Variants in CSMD3 observed in about 807,000 individuals in gnomAD.
CSMD3 encodes the protein CUB and sushi domain-containing protein 3.
Under a neutral mutation model 435.2 loss-of-function variants are expected in CSMD3, and 177 were observed. That is an observed-to-expected ratio of 0.41 (90% confidence interval 0.36 to 0.46). CSMD3 has a LOEUF of 0.46. CSMD3 is among the 20% of genes least tolerant of loss of function. CSMD3 has a pLI of 0.34. For missense variants in CSMD3, 4,265 were observed against 4,504.6 expected (o/e 0.95, Z 1.52); for synonymous variants, 1,656 against 1,520.5 (o/e 1.09, Z -2.07).
chr8:113,295,316 G>GT (rs200405194), intron 2 of CSMD3, among the ~76,000 whole-genome samples: 1 of 151,686 alleles, frequency 6.6e-6, no homozygotes, highest in South Asian at 2.1e-4. Flanking sequence ...TTCAAAAGAG[G>GT]TTTTTTTTCT....
At chr8:112,840,403 G>T (rs1381813363) in intron 11 of CSMD3, among the ~76,000 whole-genome samples, 2 of 151,578 alleles carry the variant, frequency 1.3e-5, no homozygotes, top group African/African-American at 4.8e-5. Flanking sequence ...GTATTATTGT[G>T]GTTACCAGAA....
chr8:112,727,429 C>A (rs955669633), intron 13 of CSMD3, among the ~76,000 whole-genome samples: 16 of 151,720 alleles, frequency 1.1e-4, no homozygotes, highest in Admixed American at 9.9e-4. Context: ...AGTGTGTGAA[C>A]AAGATATTTT....
At chr8:113,432,732 G>C (rs1254212843) in intron 1 of CSMD3, among the ~76,000 whole-genome samples, 1 of 152,162 alleles carries the variant, frequency 6.6e-6, no homozygotes, top group Non-Finnish European at 1.5e-5. Flanking sequence ...ACAGCGCTGC[G>C]GTCCGCCTGG....
rs575936593 is a variant in CSMD3, at chr8:112,330,225, A to C, written c.7165+5104T>G. 2.0e-5 allele frequency among the ~76,000 whole-genome samples: 3 copies of C among 152,264 alleles called. No individual in the cohort carries two copies. The East Asian group carries it at 5.8e-4, about 29-fold the overall frequency. Reference sequence around the variant, plus strand: ...CAGCATTTATTGTAAAAGTAGCATAACCGTAAAAGATGACCTGAAACACAT... The same window carrying C: ...CAGCATTTATTGTAAAAGTAGCATACCCGTAAAAGATGACCTGAAACACAT... On this transcript the variant is annotated intron_variant, in intron 45 of 70. Coordinates refer to ENST00000297405, the MANE Select transcript of CSMD3 (RefSeq NM_198123.2).
chr8:112,293,821 A>G (rs541936306), intron 54 of CSMD3, among the ~76,000 whole-genome samples: 1 of 152,246 alleles, frequency 6.6e-6, no homozygotes, highest in East Asian at 1.9e-4. Flanking sequence ...TACTTAGGAA[A>G]TGACCCAAGA....
chr8:113,395,466 G>A (rs564564467), intron 1 of CSMD3, among the ~76,000 whole-genome samples: 2 of 151,988 alleles, frequency 1.3e-5, no homozygotes, highest in East Asian at 1.9e-4. Flanking sequence ...AAAATTAGCG[G>A]GGCGTGGTGG....
chr8:112,835,853 T>C (rs1175936649), intron 11 of CSMD3, among the ~76,000 whole-genome samples: 1 of 151,810 alleles, frequency 6.6e-6, no homozygotes, highest in African/African-American at 2.4e-5. Flanking sequence ...TGGATTCTAT[T>C]ACATTCCAAG....
At chr8:112,919,344 GGGTTTA>G (rs2082666982) in intron 10 of CSMD3, among the ~76,000 whole-genome samples, 1 of 151,070 alleles carries the variant, frequency 6.6e-6, no homozygotes. Context: ...TTGTGCCATG[GGGTTTA>G]TAAAAAAATA....
chr8:112,999,231 A>G (rs1215966226), intron 6 of CSMD3, among the ~76,000 whole-genome samples: 3 of 152,054 alleles, frequency 2.0e-5, no homozygotes, highest in Non-Finnish European at 4.4e-5. Flanking sequence ...TTTTAACATC[A>G]GAAAACAGAT....
intron 3 of CSMD3, among the ~76,000 whole-genome samples, chr8:113,211,799 T>G (rs1057312612): frequency 6.6e-6 from 1 of 152,214 alleles, no homozygotes; most frequent in Non-Finnish European, 1.5e-5. Flanking sequence ...ATGGCATATA[T>G]GCCACCTCAA....
chr8:113,128,217 T>C (rs1216624836), intron 4 of CSMD3, among the ~76,000 whole-genome samples: 2 of 152,088 alleles, frequency 1.3e-5, no homozygotes, highest in Non-Finnish European at 2.9e-5. Flanking sequence ...TAAATTTTTG[T>C]TCTTAACAAA....
intron 13 of CSMD3, among the ~76,000 whole-genome samples, chr8:112,750,595 G>A (rs2077545826): frequency 1.3e-5 from 2 of 152,016 alleles, no homozygotes; most frequent in Non-Finnish European, 2.9e-5. Context: ...GTTTAGAGAA[G>A]AGAAAGTATA....
chr8:113,181,974 T>C (rs2092427660), intron 3 of CSMD3, among the ~76,000 whole-genome samples: 2 of 152,094 alleles, frequency 1.3e-5, no homozygotes, highest in Non-Finnish European at 1.5e-5. Context: ...GATAATTTAC[T>C]GGAATTATAT....
chr8:112,552,437 G>T (rs1025926912), intron 26 of CSMD3, among the ~76,000 whole-genome samples, 157 bp downstream of exon 26: 24 of 152,196 alleles, frequency 1.6e-4, no homozygotes, highest in African/African-American at 5.3e-4. Flanking sequence ...AGTGAGCCGA[G>T]ATCGAGCCCT....
intron 4 of CSMD3, among the ~76,000 whole-genome samples, chr8:113,153,134 G>GA (rs1564370995): frequency 2.7e-4 from 25 of 94,082 alleles, no homozygotes; most frequent in East Asian, 1.2e-3. Flanking sequence ...AGAGAAAGAA[G>GA]GAAGGAAGGA....
intron 22 of CSMD3, 54 bp downstream of exon 22, chr8:112,636,763 A>C: frequency 1.5e-6 from 2 of 1,378,192 alleles, no homozygotes; most frequent in South Asian, 1.2e-5. Context: ...TAACCATGCA[A>C]CTCCATGGAC....
At chr8:112,487,722 G>C (rs960982321) in intron 31 of CSMD3, among the ~76,000 whole-genome samples, 3 of 152,080 alleles carry the variant, frequency 2.0e-5, no homozygotes, top group Admixed American at 6.6e-5. Flanking sequence ...GGTTAGACCT[G>C]CGCCATTAGA....
intron 3 of CSMD3, among the ~76,000 whole-genome samples, chr8:113,220,662 C>A (rs1231299708): frequency 2.0e-5 from 3 of 151,206 alleles, no homozygotes; most frequent in Admixed American, 1.3e-4. Context: ...ATTGGATCAG[C>A]CAAAAATTAT....
chr8:113,349,265 A>G (rs776293059), intron 1 of CSMD3, among the ~76,000 whole-genome samples: 8 of 152,060 alleles, frequency 5.3e-5, no homozygotes, highest in Non-Finnish European at 4.4e-5. Context: ...ACCCCTTTTA[A>G]TGTTTGTAAC....
Sources: allele counts gnomAD v4.1 joint callset (sites outside exome capture counted in the v4.1 genomes callset), GRCh38; gene constraint gnomAD v4.1.1; transcripts MANE v1.5; gene names NCBI Gene and HGNC (gene_info 2026-07-23, HGNC 2026-07-21).